NCOA2: variants seen among roughly 807,000 people sequenced by gnomAD.
NCOA2 encodes nuclear receptor coactivator 2.
NCOA2 carries 21 observed loss-of-function variants against 145.1 expected under a neutral mutation model. The ratio of observed to expected loss-of-function variants is 0.14; its 90% confidence interval spans 0.10 to 0.21. The LOEUF (loss-of-function observed/expected upper bound fraction) is 0.21, where lower values mean the gene tolerates loss of function less well. NCOA2 is among the 10% of genes least tolerant of loss of function. The pLI is 1.00. For missense variants in NCOA2, 1,472 were observed against 1,837.6 expected, an observed-to-expected ratio of 0.80 and a Z score of 3.64; for synonymous variants, 619 against 637.5, an observed-to-expected ratio of 0.97 and a Z score of 0.44.
chr8:70,287,682 C>A (rs1826337393), intron 2 of NCOA2, among the ~76,000 whole-genome samples: 1 of 152,190 alleles, frequency 6.6e-6, no homozygotes, highest in South Asian at 2.1e-4. Context: ...AATATCATTT[C>A]TGTAACCTGC....
At chr8:70,166,846 T>C in intron 6 of NCOA2, 92 bp from the exon 7 acceptor site, 1 of 1,165,472 alleles carries the variant, frequency 8.6e-7, no homozygotes, top group Non-Finnish European at 1.2e-6. Context: ...AAAAATATGA[T>C]TATTTCATCT....
chr8:70,219,365 T>C (rs1819931366), intron 2 of NCOA2, among the ~76,000 whole-genome samples: 1 of 152,224 alleles, frequency 6.6e-6, no homozygotes, highest in Non-Finnish European at 1.5e-5. Context: ...AACTTTCGGC[T>C]TGATGAACAT....
intron 1 of NCOA2, among the ~76,000 whole-genome samples, chr8:70,305,668 A>T (rs1266744709): frequency 6.6e-6 from 1 of 152,236 alleles, no homozygotes; most frequent in African/African-American, 2.4e-5. Flanking sequence ...CAGAAAAAAA[A>T]TTGAAAACAG....
the NCOA2 span, among the ~76,000 whole-genome samples, chr8:70,442,103 A>G: frequency 5.0e-5 from 4 of 79,262 alleles, no homozygotes; most frequent in East Asian, 1.2e-3. Context: ...GAAAGAAGAA[A>G]CAGAGAAAGA....
chr8:70,402,861 G>C (rs1349970530), intron 1 of NCOA2, among the ~76,000 whole-genome samples: 1 of 135,948 alleles, frequency 7.4e-6, no homozygotes, highest in Non-Finnish European at 1.6e-5. Context: ...GCTCGGCGCC[G>C]CCGGGGCCCG....
At chr8:70,126,788 G>C (rs763195643) in intron 19 of NCOA2, 25 bp downstream of exon 19, 1 of 1,587,382 alleles carries the variant, frequency 6.3e-7, no homozygotes, top group Non-Finnish European at 8.6e-7. Flanking sequence ...ACTGGTGAAA[G>C]GTGGTGGGGA....
intron 2 of NCOA2, among the ~76,000 whole-genome samples, chr8:70,268,962 T>C (rs985362548): frequency 1.3e-5 from 2 of 152,026 alleles, no homozygotes; most frequent in African/African-American, 4.8e-5. Flanking sequence ...TATTTATAGA[T>C]TTTTCTCCCT....
intron 2 of NCOA2, among the ~76,000 whole-genome samples, chr8:70,243,329 A>C (rs1822321182): frequency 6.6e-6 from 1 of 152,144 alleles, no homozygotes; most frequent in Admixed American, 6.6e-5. Context: ...AAATCAGAGA[A>C]GTACTCTCTC....
intron 2 of NCOA2, among the ~76,000 whole-genome samples, chr8:70,288,822 T>A (rs373572734): frequency 6.6e-6 from 1 of 152,184 alleles, no homozygotes; most frequent in African/African-American, 2.4e-5. Context: ...CAAGTGCAAA[T>A]AGTTTATGTG....
chr8:70,200,121 G>A (rs1386008862), intron 4 of NCOA2, among the ~76,000 whole-genome samples: 1 of 152,084 alleles, frequency 6.6e-6, no homozygotes, highest in East Asian at 1.9e-4. Context: ...AAGTAAACAG[G>A]AGGATGTGCA....
the NCOA2 span, among the ~76,000 whole-genome samples, chr8:70,440,303 C>G: frequency 2.6e-5 from 4 of 151,850 alleles, no homozygotes; most frequent in Admixed American, 6.6e-5. Context: ...AAGAAAGAAA[C>G]AAATGAGTAA....
intron 2 of NCOA2, among the ~76,000 whole-genome samples, chr8:70,275,490 T>C (rs1825397898): frequency 6.6e-6 from 1 of 152,156 alleles, no homozygotes; most frequent in African/African-American, 2.4e-5. Flanking sequence ...CTGAATAATC[T>C]TTAGCAATAC....
At chr8:70,442,047 A>T in the NCOA2 span, among the ~76,000 whole-genome samples, 2 of 148,500 alleles carry the variant, frequency 1.3e-5, no homozygotes, top group Non-Finnish European at 3.0e-5. Flanking sequence ...GAGAAAGAGA[A>T]GAAAGGAAAG....
intron 1 of NCOA2, among the ~76,000 whole-genome samples, chr8:70,312,854 C>A (rs946465201): frequency 7.9e-5 from 12 of 152,130 alleles, no homozygotes; most frequent in Admixed American, 3.3e-4. Context: ...TCTCGTGACA[C>A]AAATGACATG....
Position 70,129,917 on chromosome 8 carries a change from G to A in NCOA2, c.3325-937C>T, listed in dbSNP as rs575366769. 2.2e-3 allele frequency among the ~76,000 whole-genome samples: 330 copies of A among 152,286 alleles called. 1 individual carries two copies. Among genetic ancestry groups the A allele is most frequent in the African/African-American group, 7.5e-3 (312 of 41,564 alleles). On this transcript the variant is annotated intron_variant, in intron 16 of 22. Transcript: ENST00000452400. ...ACTCCCAACCTCAGGTGATCTGCCCGTTTCAGCCTCCCAAAGTGCTGGGAT... is the reference window on the plus strand; with the variant it reads ...ACTCCCAACCTCAGGTGATCTGCCCATTTCAGCCTCCCAAAGTGCTGGGAT...
At chr8:70,250,629 TTACTA>T (rs1586253788) in intron 2 of NCOA2, among the ~76,000 whole-genome samples, 1 of 152,050 alleles carries the variant, frequency 6.6e-6, no homozygotes, top group South Asian at 2.1e-4. Context: ...ACATGGAAGT[TTACTA>T]TACTATTCTA....
the NCOA2 span, among the ~76,000 whole-genome samples, chr8:70,413,097 CAAA>C: frequency 1.7e-5 from 1 of 59,314 alleles, no homozygotes. Flanking sequence ...GACTCCGTCT[CAAA>C]AAAAAAAAAA....
intron 1 of NCOA2, among the ~76,000 whole-genome samples, chr8:70,403,367 C>T (rs924440844): frequency 4.0e-5 from 6 of 151,328 alleles, no homozygotes; most frequent in African/African-American, 1.2e-4. Context: ...AGCCTCCGCC[C>T]GCCTCGCGCT....
At chr8:70,420,850 G>T in the NCOA2 span, among the ~76,000 whole-genome samples, 1 of 152,030 alleles carries the variant, frequency 6.6e-6, no homozygotes. Flanking sequence ...TCACCATGTT[G>T]GCCAGGATGG....
Sources: gnomAD v4.1 joint callset for allele counts (sites outside exome capture counted in the v4.1 genomes callset) on GRCh38, gnomAD v4.1.1 for gene constraint, MANE v1.5 for transcripts, NCBI Gene and HGNC (gene_info 2026-07-23, HGNC 2026-07-21) for gene names.